ROBO2: variants seen among roughly 807,000 people sequenced by gnomAD.
The protein encoded by ROBO2 is roundabout guidance receptor 2.
In ROBO2, 53 loss-of-function variants were observed where a neutral mutation model predicts 160.8. The observed-to-expected ratio is 0.33, with a 90% CI of 0.26 to 0.41. ROBO2 has a LOEUF of 0.41. Among genes scored for constraint, ROBO2 ranks in the 10% least tolerant of loss-of-function variants. The pLI is 1.00. For missense variants in ROBO2, 1,577 were observed against 1,722.4 expected (o/e 0.92, Z 1.49); for synonymous variants, 664 against 611.7 (o/e 1.09, Z -1.26).
intron 2 of ROBO2, among the ~76,000 whole-genome samples, chr3:76,100,118 A>G (rs2069621497): frequency 6.6e-6 from 1 of 152,164 alleles, no homozygotes; most frequent in Admixed American, 6.5e-5. Context: ...GTAATTGTTT[A>G]TCATTCAATT....
chr3:76,147,381 T>A (rs1577051856), intron 2 of ROBO2, among the ~76,000 whole-genome samples: 1 of 142,384 alleles, frequency 7.0e-6, no homozygotes, highest in East Asian at 2.1e-4. Context: ...CAATATTAAT[T>A]ATCTTATTAA....
chr3:77,247,232 A>C (rs1426212230), intron 2 of ROBO2, among the ~76,000 whole-genome samples: 1 of 152,198 alleles, frequency 6.6e-6, no homozygotes. Flanking sequence ...GAATTGTGTC[A>C]TACTATTCCC....
chr3:77,035,142 G>C (rs2149576832), upstream of ROBO2, among the ~76,000 whole-genome samples: 1 of 151,886 alleles, frequency 6.6e-6, no homozygotes, highest in Admixed American at 6.6e-5. Context: ...TAGATGAGAG[G>C]TTATCATCTT....
chr3:77,486,603 T>C (rs1423710006), intron 4 of ROBO2, among the ~76,000 whole-genome samples: 1 of 152,204 alleles, frequency 6.6e-6, no homozygotes, highest in Non-Finnish European at 1.5e-5. Flanking sequence ...GCCCACTTTT[T>C]AATGGGGTTG....
intron 2 of ROBO2, among the ~76,000 whole-genome samples, chr3:76,879,693 T>A (rs1246526667): frequency 1.3e-5 from 2 of 152,082 alleles, no homozygotes; most frequent in Non-Finnish European, 2.9e-5. Context: ...ATTAAACTGA[T>A]GATCATATGA....
intron 2 of ROBO2, among the ~76,000 whole-genome samples, chr3:76,641,879 A>C (rs1164727499): frequency 1.3e-5 from 2 of 152,132 alleles, no homozygotes; most frequent in Non-Finnish European, 2.9e-5. Flanking sequence ...CCAGGACTGT[A>C]GGCATGTACC....
intron 1 of ROBO2, among the ~76,000 whole-genome samples, chr3:77,043,777 G>T (rs370946775): frequency 1.9e-4 from 29 of 152,026 alleles, no homozygotes; most frequent in African/African-American, 6.8e-4. Flanking sequence ...ACATCAATCT[G>T]ATAATTTTAT....
chr3:75,963,865 C>T (rs1392718233), intron 2 of ROBO2, among the ~76,000 whole-genome samples: 1 of 151,732 alleles, frequency 6.6e-6, no homozygotes, highest in Non-Finnish European at 1.5e-5. Context: ...CTGATTTTTA[C>T]CCCTTTCCAA....
At chr3:76,748,862 A>G (rs1354408925) in intron 2 of ROBO2, among the ~76,000 whole-genome samples, 1 of 151,952 alleles carries the variant, frequency 6.6e-6, no homozygotes, top group African/African-American at 2.4e-5. Flanking sequence ...AATCACATGT[A>G]TACAAATATA....
chr3:76,172,630 A>G (rs2073086184), intron 2 of ROBO2, among the ~76,000 whole-genome samples: 1 of 151,978 alleles, frequency 6.6e-6, no homozygotes. Context: ...CATACTGACA[A>G]CTAAGAAAAA....
At chr3:77,230,097 T>C (rs577243290) in intron 2 of ROBO2, among the ~76,000 whole-genome samples, 113 of 146,202 alleles carry the variant, frequency 7.7e-4, no homozygotes, top group African/African-American at 2.7e-3. Context: ...TGCTAGACAG[T>C]TTTTTTTTTT....
intron 2 of ROBO2, among the ~76,000 whole-genome samples, chr3:76,722,362 C>T (rs558812537): frequency 8.5e-5 from 13 of 152,152 alleles, no homozygotes; most frequent in East Asian, 3.9e-4. Flanking sequence ...CCTCATGATC[C>T]GCCCTTCTCA....
intron 3 of ROBO2, among the ~76,000 whole-genome samples, chr3:77,480,500 T>G (rs560723981): frequency 6.6e-6 from 1 of 152,246 alleles, no homozygotes; most frequent in South Asian, 2.1e-4. Context: ...ATATTACCAT[T>G]TTATAAACTG....
intron 2 of ROBO2, among the ~76,000 whole-genome samples, chr3:75,989,243 A>T (rs1212020737): frequency 2.0e-5 from 3 of 151,888 alleles, no homozygotes; most frequent in Admixed American, 6.6e-5. Flanking sequence ...TCAGCCTCCC[A>T]AGTAGCTGGG....
intron 2 of ROBO2, among the ~76,000 whole-genome samples, chr3:76,488,546 T>A (rs1355826094): frequency 2.0e-5 from 3 of 152,136 alleles, no homozygotes; most frequent in Non-Finnish European, 4.4e-5. Context: ...CTACTTTGAA[T>A]CTCTGCTCTT....
intron 2 of ROBO2, among the ~76,000 whole-genome samples, chr3:76,650,505 A>G (rs1194978224): frequency 7.4e-6 from 1 of 134,410 alleles, no homozygotes; most frequent in Non-Finnish European, 1.6e-5. Context: ...TTTTTTCTTT[A>G]TTTTCTGTTG....
At chr3:76,792,810 G>C (rs901101712) in intron 2 of ROBO2, among the ~76,000 whole-genome samples, 2 of 151,704 alleles carry the variant, frequency 1.3e-5, no homozygotes, top group African/African-American at 4.8e-5. Flanking sequence ...GATATGAATA[G>C]CTGAATTAGA....
intron 2 of ROBO2, among the ~76,000 whole-genome samples, chr3:76,390,399 T>G (rs1393817012): frequency 1.3e-5 from 2 of 152,174 alleles, no homozygotes; most frequent in East Asian, 1.9e-4. Flanking sequence ...TGAAACTGTC[T>G]TATTACAAAT....
intron 1 of ROBO2, among the ~76,000 whole-genome samples, chr3:77,081,634 G>A (rs1239549462): frequency 6.6e-6 from 1 of 152,164 alleles, no homozygotes; most frequent in Admixed American, 6.5e-5. Context: ...TTCTATTTTT[G>A]TTATGTTGAA....
Sources: gnomAD v4.1 joint callset for allele counts (sites outside exome capture counted in the v4.1 genomes callset) on GRCh38, gnomAD v4.1.1 for gene constraint, MANE v1.5 for transcripts, NCBI Gene and HGNC (gene_info 2026-07-23, HGNC 2026-07-21) for gene names.